The following TMEM135 variants were observed in gnomAD, a reference collection of about 807,000 sequenced individuals.
TMEM135 encodes the protein peroxisomal membrane protein 52.
A neutral mutation model predicts 60.3 loss-of-function variants in TMEM135; 30 were observed. The ratio of observed to expected loss-of-function variants is 0.50; its 90% CI spans 0.37 to 0.68. The LOEUF (loss-of-function observed/expected upper bound fraction) is 0.68, where lower values mean the gene tolerates loss of function less well. Among genes scored for constraint, TMEM135 ranks in the 30% least tolerant of loss-of-function variants. The probability of loss-of-function intolerance (pLI) is 0.00; values close to 1 mark genes in which losing one functional copy is unlikely to be tolerated. For missense variants in TMEM135, 468 were observed against 548.8 expected (o/e 0.85, Z 1.47); for synonymous variants, 190 against 186.7 (o/e 1.02, Z -0.14).
At chr11:87,065,464 C>T (rs945433183) in intron 1 of TMEM135, among the ~76,000 whole-genome samples, 3 of 152,082 alleles carry the variant, frequency 2.0e-5, no homozygotes, top group Admixed American at 6.5e-5. Flanking sequence ...TCTGTTTATC[C>T]TCTTCTGTGA....
chr11:87,045,151 T>G (rs892348381), intron 1 of TMEM135, among the ~76,000 whole-genome samples: 4 of 151,896 alleles, frequency 2.6e-5, no homozygotes, highest in African/African-American at 9.7e-5. Flanking sequence ...TGCCTCAGCC[T>G]CTCGAGTAGC....
Position 87,222,577 on chromosome 11 carries a change from G to A in TMEM135, c.463-14061G>A, listed in dbSNP as rs184347075. 9.9e-4 allele frequency among the ~76,000 whole-genome samples: 151 copies of A among 151,828 alleles called. 1 individual carries two copies. Among genetic ancestry groups the A allele is most frequent in the African/African-American group, 3.4e-3 (141 of 41,414 alleles). ...CCAGCACTTTGGGAGGCTGAGGCGG[G>A]CGGATCACCTGAGGTCAGGAGTTCG... On this transcript the variant is annotated intron_variant, in intron 5 of 14. Coordinates refer to ENST00000305494, the MANE Select transcript of TMEM135 (RefSeq NM_022918.4).
At chr11:87,241,152 CTATT>C (rs1272364515) in intron 6 of TMEM135, among the ~76,000 whole-genome samples, 10 of 152,144 alleles carry the variant, frequency 6.6e-5, no homozygotes, top group African/African-American at 2.4e-4. Flanking sequence ...GAAAACCAGA[CTATT>C]TATTGGCTGG....
chr11:87,274,619 T>G (rs1941933135), intron 6 of TMEM135, among the ~76,000 whole-genome samples: 1 of 152,102 alleles, frequency 6.6e-6, no homozygotes. Flanking sequence ...AAATATATTT[T>G]CAACTCCATG....
At chr11:87,172,221 A>G (rs1939256082) in intron 5 of TMEM135, among the ~76,000 whole-genome samples, 1 of 152,170 alleles carries the variant, frequency 6.6e-6, no homozygotes, top group Admixed American at 6.5e-5. Flanking sequence ...GCTGATTTTA[A>G]TACTTAGCTA....
chr11:87,240,953 A>G (rs1010292280), intron 6 of TMEM135, among the ~76,000 whole-genome samples: 1 of 152,150 alleles, frequency 6.6e-6, no homozygotes, highest in South Asian at 2.1e-4. Flanking sequence ...TATCTTAAAT[A>G]ATCTGATGTC....
intron 4 of TMEM135, among the ~76,000 whole-genome samples, chr11:87,131,433 T>C (rs1937928341): frequency 6.6e-6 from 1 of 152,162 alleles, no homozygotes; most frequent in South Asian, 2.1e-4. Flanking sequence ...TAGAGTGTGG[T>C]CTGCTGGGGA....
intron 8 of TMEM135, 103 bp downstream of exon 8, chr11:87,302,545 C>A: frequency 1.4e-6 from 2 of 1,391,430 alleles, no homozygotes; most frequent in Non-Finnish European, 2.0e-6. Flanking sequence ...TAATGATGAT[C>A]ATTTTTCACC....
chr11:87,282,989 A>G, intron 6 of TMEM135, among the ~76,000 whole-genome samples: 1 of 152,162 alleles, frequency 6.6e-6, no homozygotes, highest in East Asian at 1.9e-4. Context: ...TTGAAATTAA[A>G]TGTTTCTCTT....
chr11:87,270,047 T>G (rs1941833555), intron 6 of TMEM135, among the ~76,000 whole-genome samples: 1 of 134,368 alleles, frequency 7.4e-6, no homozygotes, highest in African/African-American at 2.6e-5. Context: ...CTAACTGGTG[T>G]GAGATGGTAT....
intron 1 of TMEM135, among the ~76,000 whole-genome samples, chr11:87,043,962 C>A (rs1949773328): frequency 6.6e-6 from 1 of 152,032 alleles, no homozygotes. Context: ...TTCTTTAGGA[C>A]CTCTAGATTA....
At chr11:87,246,650 C>T (rs1314290957) in intron 6 of TMEM135, among the ~76,000 whole-genome samples, 1 of 149,856 alleles carries the variant, frequency 6.7e-6, no homozygotes, top group Non-Finnish European at 1.5e-5. Context: ...GTGTCGGCTC[C>T]TGAGGCTTCT....
chr11:87,143,403 C>A (rs1177301938), intron 4 of TMEM135, among the ~76,000 whole-genome samples: 1 of 149,232 alleles, frequency 6.7e-6, no homozygotes, highest in African/African-American at 2.5e-5. Context: ...AGCACACTTT[C>A]CTGTTTTGTT....
chr11:87,083,587 T>C (rs1357405937), intron 3 of TMEM135, among the ~76,000 whole-genome samples: 1 of 152,196 alleles, frequency 6.6e-6, no homozygotes, highest in Non-Finnish European at 1.5e-5. Flanking sequence ...CTATATAATA[T>C]GGGAATAAAA....
At chr11:87,207,618 A>G (rs1004155386) in intron 5 of TMEM135, among the ~76,000 whole-genome samples, 4 of 152,232 alleles carry the variant, frequency 2.6e-5, no homozygotes, top group African/African-American at 9.6e-5. Context: ...CTATTTCATT[A>G]AGTTCTCAAA....
chr11:87,141,136 C>G (rs1461264702), intron 4 of TMEM135, among the ~76,000 whole-genome samples: 1 of 151,314 alleles, frequency 6.6e-6, no homozygotes, highest in Non-Finnish European at 1.5e-5. Flanking sequence ...TGCAAAAATG[C>G]CTGTTAGGTT....
intron 5 of TMEM135, among the ~76,000 whole-genome samples, chr11:87,173,601 A>G (rs1939296246): frequency 6.6e-6 from 1 of 152,184 alleles, no homozygotes; most frequent in South Asian, 2.1e-4. Context: ...TGTCTGCCAC[A>G]TGTCTGCCAC....
At chr11:87,196,070 T>G (rs773795071) in intron 5 of TMEM135, among the ~76,000 whole-genome samples, 2 of 152,260 alleles carry the variant, frequency 1.3e-5, no homozygotes, top group Non-Finnish European at 2.9e-5. Context: ...TTGTATGGAA[T>G]GATACCATTT....
intron 6 of TMEM135, among the ~76,000 whole-genome samples, chr11:87,237,534 G>A (rs1941025664): frequency 6.6e-6 from 1 of 151,780 alleles, no homozygotes. Context: ...ATTTCTTTAA[G>A]AATAAAACAA....
Sources: allele counts gnomAD v4.1 joint callset (sites outside exome capture counted in the v4.1 genomes callset), GRCh38; gene constraint gnomAD v4.1.1; transcripts MANE v1.5; gene names NCBI Gene and HGNC (gene_info 2026-07-23, HGNC 2026-07-21).